The following SEMA5B variants were observed in gnomAD, a reference collection of about 807,000 sequenced individuals.
SEMA5B encodes the protein semaphorin 5B.
Under a neutral mutation model 135.0 loss-of-function variants are expected in SEMA5B, and 66 were observed. The ratio of observed to expected loss-of-function variants is 0.49; its 90% CI spans 0.40 to 0.60. SEMA5B has a LOEUF of 0.60. SEMA5B is among the 20% of genes least tolerant of loss of function. SEMA5B has a pLI of 0.00. For synonymous variants in SEMA5B, 690 were observed against 639.5 expected, an observed-to-expected ratio of 1.08 and a Z score of -1.19; for missense variants, 1,501 against 1,566.3, an observed-to-expected ratio of 0.96 and a Z score of 0.70.
At chr3:122,918,814 C>A (rs1007303978) in intron 12 of SEMA5B, among the ~76,000 whole-genome samples, 1 of 152,134 alleles carries the variant, frequency 6.6e-6, no homozygotes, top group Non-Finnish European at 1.5e-5. Context: ...TCAAGTGGAA[C>A]CACGTTTGCT....
At chr3:122,924,146 C>T (rs1440145827) in intron 9 of SEMA5B, among the ~76,000 whole-genome samples, 1 of 152,136 alleles carries the variant, frequency 6.6e-6, no homozygotes, top group Non-Finnish European at 1.5e-5. Flanking sequence ...TATGTTAACA[C>T]TCTGATATTT....
intron 1 of SEMA5B, among the ~76,000 whole-genome samples, chr3:123,014,190 C>A (rs1942500654): frequency 6.6e-6 from 1 of 152,190 alleles, no homozygotes; most frequent in African/African-American, 2.4e-5. Context: ...GCCACACAGT[C>A]CTCACTACCA....
intron 1 of SEMA5B, among the ~76,000 whole-genome samples, chr3:123,024,476 G>C (rs1942755840): frequency 6.6e-6 from 1 of 152,148 alleles, no homozygotes; most frequent in African/African-American, 2.4e-5. Context: ...AATAAAATTG[G>C]TTTACACCCA....
rs561491646 is a variant in SEMA5B at position 122,935,628 on chromosome 3, C to T, written c.474+3797G>A. On this transcript the variant is annotated intron_variant, in intron 5 of 22. Coordinates refer to ENST00000357599, the MANE Select transcript of SEMA5B (RefSeq NM_001031702.4). ...TTCTGAGGAGTCAGCTGCCTGTCCA[C>T]TGCATCCCTTCTGCAAGCCGACCTG... 3.8e-3 allele frequency among the ~76,000 whole-genome samples: 581 copies of T among 151,400 alleles called. 2 individuals carry two copies. The highest frequency in any genetic ancestry group is 5.8e-3 in the Non-Finnish European group (392 of 67,920).
At chr3:123,014,159 C>A (rs143689597) in intron 1 of SEMA5B, among the ~76,000 whole-genome samples, 98 of 152,290 alleles carry the variant, frequency 6.4e-4, no homozygotes, top group Non-Finnish European at 1.1e-3. Context: ...AGCACTAGGG[C>A]GGCTGGGAGG....
At chr3:122,947,743 G>C (rs1939854368) in intron 3 of SEMA5B, among the ~76,000 whole-genome samples, 1 of 152,100 alleles carries the variant, frequency 6.6e-6, no homozygotes, top group Non-Finnish European at 1.5e-5. Flanking sequence ...TCAAACTTAA[G>C]AACCTAGGAA....
chr3:123,015,965 G>C (rs1942545151), intron 1 of SEMA5B, among the ~76,000 whole-genome samples: 1 of 152,240 alleles, frequency 6.6e-6, no homozygotes, highest in Admixed American at 6.5e-5. Flanking sequence ...AGATTAAACT[G>C]TGTGCTGACA....
chr3:122,958,016 G>C (rs1940410422), intron 2 of SEMA5B, among the ~76,000 whole-genome samples: 1 of 152,200 alleles, frequency 6.6e-6, no homozygotes, highest in African/African-American at 2.4e-5. Context: ...TGTGAATTTG[G>C]GCTGTGGGAG....
At chr3:122,966,711 C>T (rs897648872) in intron 1 of SEMA5B, among the ~76,000 whole-genome samples, 5 of 150,464 alleles carry the variant, frequency 3.3e-5, no homozygotes, top group Non-Finnish European at 5.9e-5. Context: ...CCCGCCACCG[C>T]GCCCAGCTAA....
intron 1 of SEMA5B, among the ~76,000 whole-genome samples, chr3:122,985,694 T>G (rs1476804487): frequency 6.6e-6 from 1 of 152,074 alleles, no homozygotes; most frequent in Non-Finnish European, 1.5e-5. Flanking sequence ...TGCAGATAGC[T>G]GGAATCTTGC....
chr3:122,987,005 G>C (rs1400035322), intron 1 of SEMA5B, among the ~76,000 whole-genome samples: 1 of 152,122 alleles, frequency 6.6e-6, no homozygotes, highest in African/African-American at 2.4e-5. Context: ...TGTTTTCTCA[G>C]GCTGCATTTC....
In SEMA5B at chr3:122,910,204, A is replaced by G. The variant is rs1328126938; in HGVS notation, c.3395T>C (p.Leu1132Pro). The change falls in exon 23 of 23, where the codon CTG (leucine) becomes CCG (proline). Residue 1132 changes from leucine (L) to proline (P), a missense_variant. This residue lies in a region of SEMA5B where 927 missense variants were observed against 881.6 expected (regional missense o/e 1.05). Transcript: ENST00000357599. ...CTCGGGCCGGAAGCTGTGTTTGTTC[A>G]GGGGGCTTGGGTAGTAAGTAGTCGT... ...VYTTTYYPSP[L>P]NKHSFRPEAS... is the part of the protein sequence containing the mutation. 2 of 1,614,216 alleles carry G rather than the reference A, an allele frequency of 1.2e-6. No individual in the cohort carries two copies. Among genetic ancestry groups the G allele is most frequent in the East Asian group, 4.5e-5 (2 of 44,894 alleles).
At position 122,952,280 on chromosome 3, in the gene SEMA5B, G is replaced by C. The variant is rs34744443; in HGVS notation, c.125-3571C>G. 2.6e-5 allele frequency among the ~76,000 whole-genome samples: 4 copies of C among 152,250 alleles called. No homozygotes were observed. In the East Asian group the frequency reaches 5.8e-4, roughly 22 times the overall value. On this transcript the variant is annotated intron_variant, in intron 2 of 22. Coordinates refer to ENST00000357599, the MANE Select transcript of SEMA5B (RefSeq NM_001031702.4). ...CCGTCCTGTGGCATGGGGTTTCGCCGTGCTGTCCATCCTTGGAGCCCACCA... is the reference window on the plus strand; with the variant it reads ...CCGTCCTGTGGCATGGGGTTTCGCCCTGCTGTCCATCCTTGGAGCCCACCA...
At chr3:122,941,986 C>A (rs1420226585) in intron 4 of SEMA5B, among the ~76,000 whole-genome samples, 1 of 152,228 alleles carries the variant, frequency 6.6e-6, no homozygotes, top group Non-Finnish European at 1.5e-5. Flanking sequence ...TATGGACAGA[C>A]TCCCTCTGGG....
chr3:122,927,634 C>T (rs1233686023), intron 8 of SEMA5B, among the ~76,000 whole-genome samples, 156 bp downstream of exon 8: 3 of 152,224 alleles, frequency 2.0e-5, no homozygotes, highest in Non-Finnish European at 4.4e-5. Context: ...CTAGCATGCT[C>T]TGGTCTACTC....
intron 2 of SEMA5B, among the ~76,000 whole-genome samples, chr3:122,959,225 C>A (rs1446681654): frequency 6.6e-6 from 1 of 152,170 alleles, no homozygotes; most frequent in Admixed American, 6.5e-5. Context: ...CAAACAATAA[C>A]CCCGTGAGGC....
chr3:122,942,397 G>A (rs1012750080), intron 4 of SEMA5B, among the ~76,000 whole-genome samples: 8 of 152,302 alleles, frequency 5.3e-5, no homozygotes, highest in African/African-American at 1.2e-4. Flanking sequence ...AGCATGGCCC[G>A]GAAGTGCCCA....
intron 1 of SEMA5B, among the ~76,000 whole-genome samples, chr3:122,999,525 T>C (rs1328472211): frequency 6.6e-6 from 1 of 150,538 alleles, no homozygotes; most frequent in Non-Finnish European, 1.5e-5. Context: ...ATGCCCGGCC[T>C]TAAGTAGATT....
At chr3:123,027,966 G>T (rs953000098), upstream of SEMA5B, among the ~76,000 whole-genome samples, 4 of 152,106 alleles carry the variant, frequency 2.6e-5, no homozygotes, top group African/African-American at 9.7e-5. Flanking sequence ...GCCGACTCCC[G>T]CCCCGGGCCT....
Sources: allele counts gnomAD v4.1 joint callset (sites outside exome capture counted in the v4.1 genomes callset), GRCh38; gene constraint gnomAD v4.1.1; regional missense constraint gnomAD v4.1.1; transcripts MANE v1.5; gene names NCBI Gene and HGNC (gene_info 2026-07-23, HGNC 2026-07-21).